Variants in RELN observed in about 807,000 individuals in gnomAD.
The protein encoded by RELN is reelin.
A neutral mutation model predicts 427.6 loss-of-function variants in RELN; 108 were observed. That is an observed-to-expected ratio of 0.25 (90% confidence interval 0.22 to 0.30). The LOEUF is 0.30. Among genes scored for constraint, RELN ranks in the 10% least tolerant of loss-of-function variants. The probability of loss-of-function intolerance (pLI) is 1.00; values close to 1 mark genes in which losing one functional copy is unlikely to be tolerated. For synonymous variants in RELN, 1,524 were observed against 1,513.4 expected, an observed-to-expected ratio of 1.01 and a Z score of -0.16; for missense variants, 3,715 against 4,302.8, an observed-to-expected ratio of 0.86 and a Z score of 3.82.
intron 43 of RELN, among the ~76,000 whole-genome samples, chr7:103,540,776 C>T (rs559858261): frequency 2.5e-4 from 38 of 152,262 alleles, no homozygotes; most frequent in Middle Eastern, 3.4e-3. Context: ...GATCTAAAGG[C>T]GGTTTGAGTG....
intron 16 of RELN, 106 bp downstream of exon 16, chr7:103,650,168 T>C (rs1832884003): frequency 1.3e-6 from 1 of 786,596 alleles, no homozygotes; most frequent in Non-Finnish European, 2.3e-6. Context: ...GTTTAATGAA[T>C]TGCAAGACCA....
chr7:103,920,567 G>GTTT lies in RELN; in HGVS notation c.227-3385_227-3383dup, dbSNP rs530809994. On this transcript the variant is annotated intron_variant, in intron 1 of 64. Transcript: ENST00000428762. ...CACATGTTTGTTGTACCAGTCTTTG[G>GTTT]TTTTTTTTTTTGTTTTTTTTTTTTT... is the stretch of plus-strand genomic sequence containing the variant. Among the ~76,000 whole-genome samples, 293 of 134,230 alleles carry GTTT rather than the reference G, an allele frequency of 2.2e-3. 3 individuals are homozygous for GTTT. The highest frequency in any genetic ancestry group is 7.6e-3 in the African/African-American group (260 of 34,210). 88.1% of individuals were successfully genotyped at this position (134,230 alleles called of 152,430 possible). A position where few individuals can be genotyped will look rare whatever the true frequency, so the allele number is the denominator to read the frequency against.
chr7:103,635,919 A>G (rs1455995548), intron 18 of RELN, among the ~76,000 whole-genome samples: 12 of 152,208 alleles, frequency 7.9e-5, no homozygotes, highest in Non-Finnish European at 1.8e-4. Context: ...AGTAAATCTA[A>G]TCAGCCTCCT....
Position 103,742,819 on chromosome 7 carries a change from C to T in RELN, c.656+6607G>A, listed in dbSNP as rs546210114. Among the ~76,000 whole-genome samples the T allele has an allele frequency of 2.0e-5, 3 of 152,270 alleles. No homozygotes were observed. The East Asian group carries it at 5.8e-4, about 29-fold the overall frequency. ...ACCTGAAGTGACGGGGAGAATGGAACCCAGCTGGAAAACACTCTGCAGGAT... is the reference window on the plus strand; with the variant it reads ...ACCTGAAGTGACGGGGAGAATGGAATCCAGCTGGAAAACACTCTGCAGGAT... On this transcript the variant is annotated intron_variant, in intron 6 of 64. Transcript: ENST00000428762.
chr7:103,603,421 A>G lies in RELN; in HGVS notation c.3216T>C (p.Asp1072=), dbSNP rs1395394454. ...ACTCCCAGCCATTCTGGTTCTCAAA[A>G]TCTGACATAATTGTGGACGGAAGGG... is the stretch of plus-strand genomic sequence containing the variant. ...EAALPSTIMS[D]FENQNGWESD... is the part of the protein sequence containing the mutation. The change falls in exon 24 of 65, where the codon GAT becomes GAC. Residue 1072 remains aspartate (D), a synonymous_variant. Transcript: ENST00000428762. The surrounding 1 kb of genome is among the most constrained non-coding windows in gnomAD (Gnocchi z 4.3). 2 of 1,613,852 alleles carry G rather than the reference A, an allele frequency of 1.2e-6. No individual in the cohort carries two copies. The highest frequency in any genetic ancestry group is 1.7e-6 in the Non-Finnish European group (2 of 1,179,848).
chr7:103,716,474 G>GA (rs2115873949), intron 8 of RELN, among the ~76,000 whole-genome samples: 1 of 152,262 alleles, frequency 6.6e-6, no homozygotes, highest in East Asian at 1.9e-4. Flanking sequence ...CTCTTTGACA[G>GA]ATGAGTCCCT....
At chr7:103,506,779 A>G (rs79611208) in intron 51 of RELN, among the ~76,000 whole-genome samples, 7,194 of 151,576 alleles carry the variant, frequency 0.047, 237 homozygotes, top group East Asian at 0.17. Context: ...CTGGATAAAG[A>G]GTCAAGACCC....
rs758610519 is a variant in RELN at position 103,635,520 on chromosome 7, C to T, written c.2370G>A (p.Gln790=). ...SVLSTCRAPD[Q]PGEGVLLHYS... ...AATGCAACAAAACTCCTTCACCAGGCTGATCAGGGGCTCTGCACGTGCTCA... is the reference window on the plus strand; with the variant it reads ...AATGCAACAAAACTCCTTCACCAGGTTGATCAGGGGCTCTGCACGTGCTCA... Residue 790 remains glutamine (Q), a synonymous_variant, in exon 19 of 65, where the codon CAG becomes CAA. Transcript: ENST00000428762. 3.1e-6 allele frequency: 5 copies of T among 1,613,906 alleles called. No individual in the cohort carries two copies. The Admixed American group carries it at 8.3e-5, about 27-fold the overall frequency.
chr7:103,656,426 G>A (rs1833023467), intron 12 of RELN, among the ~76,000 whole-genome samples: 2 of 151,868 alleles, frequency 1.3e-5, no homozygotes, highest in Admixed American at 1.3e-4. Context: ...GGAATCTGGG[G>A]GTGAGCCTGT....
chr7:103,641,734 G>A (rs1832698152), intron 16 of RELN, among the ~76,000 whole-genome samples: 1 of 152,096 alleles, frequency 6.6e-6, no homozygotes. Flanking sequence ...CCATACTGAG[G>A]TCAAGTATTC....
chr7:103,522,408 G>A (rs1388566916), intron 47 of RELN, among the ~76,000 whole-genome samples: 2 of 152,148 alleles, frequency 1.3e-5, no homozygotes, highest in East Asian at 1.9e-4. Flanking sequence ...CATTTCCTAA[G>A]GTAGTGATTC....
In RELN at chr7:103,594,508, T is replaced by C; in HGVS notation, c.3540-16A>G. ...ATAGACAAATCTGAATAAAAGTAAA[T>C]CATTTACGGTTGGGAAAACAAAAGC... is the stretch of plus-strand genomic sequence containing the variant. On this transcript the variant is annotated splice_polypyrimidine_tract_variant and intron_variant, in intron 25 of 64. Coordinates refer to ENST00000428762, the MANE Select transcript of RELN (RefSeq NM_005045.4). 1.2e-6 allele frequency: 2 copies of C among 1,611,978 alleles called. No individual in the cohort carries two copies. Among genetic ancestry groups the C allele is most frequent in the Non-Finnish European group, 1.7e-6 (2 of 1,179,080 alleles).
chr7:103,550,170 G>A (rs1830381747), intron 41 of RELN, among the ~76,000 whole-genome samples: 1 of 152,200 alleles, frequency 6.6e-6, no homozygotes, highest in African/African-American at 2.4e-5. Context: ...ATGATATAAT[G>A]AGGAGTGGAT....
At chr7:103,493,161 T>A (rs1828723856) in intron 57 of RELN, among the ~76,000 whole-genome samples, 1 of 151,836 alleles carries the variant, frequency 6.6e-6, no homozygotes, top group African/African-American at 2.4e-5. Flanking sequence ...GAGAGAGAGA[T>A]TGGGAGTGAA....
chr7:103,542,146 T>C (rs1830190262), intron 43 of RELN, among the ~76,000 whole-genome samples: 1 of 152,230 alleles, frequency 6.6e-6, no homozygotes, highest in Non-Finnish European at 1.5e-5. Context: ...TGAGCCAGTT[T>C]AAAATGTTTG....
chr7:103,801,457 A>G (rs887542966), intron 3 of RELN, among the ~76,000 whole-genome samples: 14 of 152,194 alleles, frequency 9.2e-5, no homozygotes, highest in African/African-American at 3.1e-4. Context: ...GGAAACCATC[A>G]TTCTCAGCAA....
chr7:103,566,656 C>T lies in RELN; in HGVS notation c.4692G>A (p.Leu1564=). Residue 1564 remains leucine, a synonymous_variant, in exon 32 of 65, where the codon CTG becomes CTA. Coordinates refer to ENST00000428762, the MANE Select transcript of RELN (RefSeq NM_005045.4). ...FLEPQIISID[L]PQDAKTPATA... is the part of the protein sequence containing the mutation. ...TTGCAGGTGTCTTCGCGTCCTGTGG[C>T]AGGTCAATGGAAATGATCTGTGGTT... is the stretch of plus-strand genomic sequence containing the variant. 6.2e-7 allele frequency: 1 copy of T among 1,614,148 alleles called. No homozygotes were observed. The highest frequency in any genetic ancestry group is 8.5e-7 in the Non-Finnish European group (1 of 1,180,022).
At chr7:103,493,769 A>C (rs1475257866) in intron 57 of RELN, among the ~76,000 whole-genome samples, 3 of 152,192 alleles carry the variant, frequency 2.0e-5, no homozygotes, top group African/African-American at 7.2e-5. Flanking sequence ...TGAAGAGGGC[A>C]AGAATAACAG....
intron 10 of RELN, among the ~76,000 whole-genome samples, chr7:103,689,857 A>G (rs368307635): frequency 4.3e-4 from 66 of 152,192 alleles, no homozygotes; most frequent in East Asian, 1.9e-3. Context: ...ACTTACATCT[A>G]ATGTTTTTCT....
Sources: gnomAD v4.1 joint callset for allele counts (sites outside exome capture counted in the v4.1 genomes callset) on GRCh38, gnomAD v4.1.1 for gene constraint, Gnocchi (gnomAD v3.1) non-coding constraint, MANE v1.5 for transcripts, NCBI Gene and HGNC (gene_info 2026-07-23, HGNC 2026-07-21) for gene names.